Variants in EVI5 observed in about 807,000 individuals in gnomAD.
The protein encoded by EVI5 is ecotropic viral integration site 5 protein homolog.
EVI5 carries 73 observed loss-of-function variants against 112.0 expected under a neutral mutation model. The observed-to-expected ratio is 0.65, with a 90% CI of 0.54 to 0.79. EVI5 has a LOEUF of 0.79. Ranked by LOEUF, EVI5 falls within the 30% of genes least tolerant of loss-of-function variation. The pLI is 0.00. For missense variants in EVI5, 900 were observed against 968.8 expected (o/e 0.93, Z 0.94); for synonymous variants, 305 against 319.9 (o/e 0.95, Z 0.50).
chr1:92,607,042 C>T (rs1027392930), intron 17 of EVI5, among the ~76,000 whole-genome samples: 8 of 152,028 alleles, frequency 5.3e-5, no homozygotes, highest in African/African-American at 1.7e-4. Flanking sequence ...ACTTTTGATG[C>T]TTTTTGAATC....
chr1:92,778,264 C>A (rs1336566241), intron 1 of EVI5, among the ~76,000 whole-genome samples: 1 of 152,010 alleles, frequency 6.6e-6, no homozygotes, highest in Non-Finnish European at 1.5e-5. Flanking sequence ...CCGGTTTATG[C>A]CATAGATTCC....
exon 1 of EVI5, chr1:92,792,384 T>C: frequency 1.2e-6 from 2 of 1,610,598 alleles, no homozygotes; most frequent in South Asian, 1.1e-5. Context: ...AGTCATTTTG[T>C]TGGTAACCAT....
intron 16 of EVI5, among the ~76,000 whole-genome samples, chr1:92,609,653 C>G (rs536310361): frequency 2.0e-5 from 3 of 152,284 alleles, no homozygotes; most frequent in African/African-American, 4.8e-5. Flanking sequence ...AGCCACTGCA[C>G]CCGGGAAATT....
chr1:92,660,650 A>G (rs1663837111), intron 13 of EVI5, among the ~76,000 whole-genome samples: 1 of 152,036 alleles, frequency 6.6e-6, no homozygotes, highest in Non-Finnish European at 1.5e-5. Context: ...TGATGTGTCA[A>G]TTAAAAATAA....
At chr1:92,600,042 T>C (rs1044138844) in intron 18 of EVI5, among the ~76,000 whole-genome samples, 1 of 152,124 alleles carries the variant, frequency 6.6e-6, no homozygotes, top group Non-Finnish European at 1.5e-5. Context: ...AGGTAAGGGG[T>C]AAGCAGATGA....
intron 1 of EVI5, among the ~76,000 whole-genome samples, chr1:92,741,580 A>G (rs1293987457): frequency 6.6e-6 from 1 of 152,210 alleles, no homozygotes; most frequent in Non-Finnish European, 1.5e-5. Context: ...TATTTTAAAA[A>G]GAAAAAAAAA....
intron 1 of EVI5, among the ~76,000 whole-genome samples, chr1:92,737,423 G>A (rs1677625364): frequency 6.6e-6 from 1 of 152,004 alleles, no homozygotes; most frequent in Admixed American, 6.6e-5. Context: ...GGCTAACCAG[G>A]AAGAAAAAAG....
chr1:92,620,434 G>GA (rs1369045964), intron 16 of EVI5, among the ~76,000 whole-genome samples: 56 of 114,570 alleles, frequency 4.9e-4, no homozygotes, highest in Admixed American at 1.5e-3. Flanking sequence ...GAAACTCAGA[G>GA]AAAAAAAAAA....
intron 18 of EVI5, among the ~76,000 whole-genome samples, chr1:92,593,325 A>C (rs1674324127): frequency 6.6e-6 from 1 of 152,176 alleles, no homozygotes. Flanking sequence ...AAATCACATG[A>C]TTATCTCATA....
intron 18 of EVI5, among the ~76,000 whole-genome samples, chr1:92,575,256 T>C (rs1670879767): frequency 1.3e-5 from 2 of 152,220 alleles, no homozygotes; most frequent in South Asian, 4.1e-4. Context: ...TGTACATATG[T>C]GTGCACACAC....
rs939903599 is a variant in EVI5, at chr1:92,702,084, CTCCAA to C, written c.639+52_639+56del. 6.1e-5 allele frequency: 53 copies of C among 868,958 alleles called. No individual in the cohort carries two copies. In the African/African-American group the frequency reaches 8.0e-4, roughly 13 times the overall value. The allele number at this position is 868,958 out of a possible 1,614,324, so 53.8% of individuals were successfully genotyped here. A position where few individuals can be genotyped will look rare whatever the true frequency, so the allele number is the denominator to read the frequency against. ...ATAAAACAAAGATGCTTTTTAAACT[CTCCAA>C]TCCAACTTAATAAAAAATTTCATTG... On this transcript the variant is annotated intron_variant, in intron 5 of 19. Transcript: ENST00000684568.
At chr1:92,744,280 T>G (rs1254984230) in intron 1 of EVI5, among the ~76,000 whole-genome samples, 1 of 152,176 alleles carries the variant, frequency 6.6e-6, no homozygotes, top group Non-Finnish European at 1.5e-5. Flanking sequence ...AATGTGTTTT[T>G]TGCTGTTGTT....
chr1:92,555,785 G>A (rs906322252), intron 19 of EVI5, among the ~76,000 whole-genome samples: 1 of 150,560 alleles, frequency 6.6e-6, no homozygotes, highest in Non-Finnish European at 1.5e-5. Flanking sequence ...AGGAGGTGGA[G>A]GTTGCAGTGA....
intron 18 of EVI5, among the ~76,000 whole-genome samples, chr1:92,596,635 C>G (rs1247640901): frequency 6.6e-6 from 1 of 152,086 alleles, no homozygotes; most frequent in Non-Finnish European, 1.5e-5. Context: ...AAGAAGCTTA[C>G]TTAAGTATAT....
At position 92,533,981 on chromosome 1, in the gene EVI5, A is replaced by T. The variant is rs548082939; in HGVS notation, c.2167-20011T>A. On this transcript the variant is annotated intron_variant, in intron 19 of 19. Coordinates refer to ENST00000684568, the MANE Select transcript of EVI5 (RefSeq NM_001350197.2). ...AGGGTATTCAATTAGTCAGAGAAGA[A>T]GTAAAATTGTCTCTGTTTGCAGATG... Among the ~76,000 whole-genome samples, 288 of 152,326 alleles carry T rather than the reference A, an allele frequency of 1.9e-3. 2 individuals carry two copies. Among genetic ancestry groups the T allele is most frequent in the Non-Finnish European group, 3.2e-3 (219 of 68,032 alleles).
chr1:92,774,654 A>G (rs1361585500), intron 1 of EVI5, among the ~76,000 whole-genome samples: 1 of 152,250 alleles, frequency 6.6e-6, no homozygotes, highest in Non-Finnish European at 1.5e-5. Context: ...ACAAGACACT[A>G]AATAGCAAAA....
At chr1:92,595,757 G>T (rs1469247034) in intron 18 of EVI5, among the ~76,000 whole-genome samples, 1 of 152,148 alleles carries the variant, frequency 6.6e-6, no homozygotes, top group Non-Finnish European at 1.5e-5. Flanking sequence ...GAGCAGGAAG[G>T]ATCTTACAAG....
chr1:92,523,182 T>G (rs1381987190), intron 19 of EVI5, among the ~76,000 whole-genome samples: 1 of 152,160 alleles, frequency 6.6e-6, no homozygotes, highest in Non-Finnish European at 1.5e-5. Context: ...TGAGCCACGG[T>G]GCCTGGCCTT....
chr1:92,710,763 G>C (rs201353144), intron 2 of EVI5, among the ~76,000 whole-genome samples: 4 of 149,774 alleles, frequency 2.7e-5, no homozygotes, highest in African/African-American at 7.4e-5. Context: ...TGGGGGGGGG[G>C]TGCCAATATA....
Sources: gnomAD v4.1 joint callset for allele counts (sites outside exome capture counted in the v4.1 genomes callset) on GRCh38, gnomAD v4.1.1 for gene constraint, MANE v1.5 for transcripts, NCBI Gene and HGNC (gene_info 2026-07-23, HGNC 2026-07-21) for gene names.